Variants in KPNA5 observed in about 807,000 individuals in gnomAD.
The protein encoded by KPNA5 is karyopherin subunit alpha 5, also known as importin subunit alpha-6.
A neutral mutation model predicts 71.3 loss-of-function variants in KPNA5; 46 were observed. The observed-to-expected ratio is 0.65, with a 90% CI of 0.51 to 0.83. The LOEUF (loss-of-function observed/expected upper bound fraction) is 0.83, where lower values mean the gene tolerates loss of function less well. Ranked by LOEUF, KPNA5 falls within the 40% of genes least tolerant of loss-of-function variation. The pLI is 0.00. For synonymous variants in KPNA5, 207 were observed against 201.4 expected, an observed-to-expected ratio of 1.03 and a Z score of -0.24; for missense variants, 547 against 628.3, an observed-to-expected ratio of 0.87 and a Z score of 1.38.
chr6:116,682,284 G>A (rs749013521), intron 1 of KPNA5, among the ~76,000 whole-genome samples: 5 of 152,066 alleles, frequency 3.3e-5, no homozygotes, highest in Non-Finnish European at 7.4e-5. Context: ...AGCCGAGAGC[G>A]CCATTGCACT....
intron 7 of KPNA5, among the ~76,000 whole-genome samples, chr6:116,710,987 C>T (rs554831877): frequency 1.5e-4 from 22 of 148,582 alleles, no homozygotes; most frequent in Middle Eastern, 3.5e-3. Context: ...CTCTGCCTCC[C>T]GGGTTCAAGC....
At position 116,738,907 on chromosome 6, in the gene KPNA5, C is replaced by A. The variant is rs1370151851; in HGVS notation, c.*6584C>A. On this transcript the variant is annotated 3_prime_UTR_variant, in exon 14 of 14. Coordinates refer to ENST00000368564, the MANE Select transcript of KPNA5 (RefSeq NM_001366306.2). The stretch of plus-strand genomic sequence containing the variant: ...CACAGCCAATATCATACTGAATGGG[C>A]AAAAACTGGAAGCATTCCCTTTGAA... 13 of 151,758 alleles carry A rather than the reference C, an allele frequency of 8.6e-5. No individual in the cohort carries two copies. The highest frequency in any genetic ancestry group is 2.0e-4 in the Admixed American group (3 of 15,232). 9.4% of individuals were successfully genotyped at this position (151,758 alleles called of 1,614,324 possible).
At chr6:116,708,002 C>T (rs550995810) in intron 7 of KPNA5, among the ~76,000 whole-genome samples, 2 of 152,340 alleles carry the variant, frequency 1.3e-5, no homozygotes, top group African/African-American at 4.8e-5. Context: ...TAAGTGGAAT[C>T]ATACAATATA....
At chr6:116,726,943 A>T (rs534643084) in intron 12 of KPNA5, among the ~76,000 whole-genome samples, 1 of 152,104 alleles carries the variant, frequency 6.6e-6, no homozygotes, top group African/African-American at 2.4e-5. Context: ...TAGCTTTATT[A>T]TATAGAAATG....
At chr6:116,682,144 A>G (rs1270032099) in intron 1 of KPNA5, among the ~76,000 whole-genome samples, 1 of 151,916 alleles carries the variant, frequency 6.6e-6, no homozygotes, top group Non-Finnish European at 1.5e-5. Flanking sequence ...AATAATAAAT[A>G]CAAAAAAAAT....
At chr6:116,718,348 C>T (rs1420348551) in intron 8 of KPNA5, among the ~76,000 whole-genome samples, 3 of 150,154 alleles carry the variant, frequency 2.0e-5, no homozygotes, top group Non-Finnish European at 4.5e-5. Flanking sequence ...CTGCAACCTC[C>T]GCCTCCCGGG....
intron 4 of KPNA5, among the ~76,000 whole-genome samples, chr6:116,693,950 C>T (rs1275620135): frequency 6.6e-6 from 1 of 152,034 alleles, no homozygotes; most frequent in Non-Finnish European, 1.5e-5. Flanking sequence ...CAGCTTTCTA[C>T]ATATGGCTAG....
intron 1 of KPNA5, 182 bp downstream of exon 1, chr6:116,681,520 G>C: frequency 7.4e-7 from 1 of 1,358,286 alleles, no homozygotes; most frequent in South Asian, 1.9e-5. Flanking sequence ...GGGCGTGGCA[G>C]CCGGACCTTT....
intron 13 of KPNA5, among the ~76,000 whole-genome samples, chr6:116,731,327 A>G (rs972814914): frequency 1.3e-5 from 2 of 152,178 alleles, no homozygotes; most frequent in African/African-American, 4.8e-5. Context: ...TGAATACAAG[A>G]TATTAGTCAC....
intron 7 of KPNA5, among the ~76,000 whole-genome samples, chr6:116,710,900 T>C (rs1200479715): frequency 9.3e-6 from 1 of 107,800 alleles, no homozygotes; most frequent in Non-Finnish European, 1.8e-5. Flanking sequence ...TATATTTTTT[T>C]TTTTTTTTTT....
chr6:116,711,912 C>T (rs9489017), intron 7 of KPNA5, among the ~76,000 whole-genome samples: 2,587 of 152,310 alleles, frequency 0.017, 79 homozygotes, highest in African/African-American at 0.058. Flanking sequence ...TGAGCCACTG[C>T]GCTAGGCCTA....
At chr6:116,700,652 C>T (rs754625401) in intron 5 of KPNA5, among the ~76,000 whole-genome samples, 1 of 152,042 alleles carries the variant, frequency 6.6e-6, no homozygotes, top group Admixed American at 6.6e-5. Context: ...AAATTGGGGG[C>T]CTACAAACAA....
chr6:116,726,620 A>G lies in KPNA5; in HGVS notation c.1251A>G (p.Ile417Met). ...NATSGGTPEQ[I>M]RYLVALGCIK... is the part of the protein sequence containing the mutation. ...CATCAGGAGGTACTCCAGAGCAAAT[A>G]AGGTATGATATAAACTTCTTAATTG... Residue 417 changes from isoleucine to methionine, a missense_variant and splice_region_variant, in exon 12 of 14, where the codon ATA becomes ATG. Coordinates refer to ENST00000368564, the MANE Select transcript of KPNA5 (RefSeq NM_001366306.2). 5 of 1,593,230 alleles carry G rather than the reference A, an allele frequency of 3.1e-6. No individual in the cohort carries two copies. Among genetic ancestry groups the G allele is most frequent in the Non-Finnish European group, 4.3e-6 (5 of 1,173,330 alleles).
In KPNA5 at chr6:116,724,299, A is replaced by G; in HGVS notation, c.923A>G (p.His308Arg). 6.3e-7 allele frequency: 1 copy of G among 1,598,912 alleles called. No homozygotes were observed. The highest frequency in any genetic ancestry group is 8.6e-7 in the Non-Finnish European group (1 of 1,167,482). The change falls in exon 10 of 14, where the codon CAC becomes CGC. Residue 308 changes from histidine (H) to arginine (R), a missense_variant and splice_region_variant. By Grantham distance (29) the His-to-Arg change is conservative. Coordinates refer to ENST00000368564, the MANE Select transcript of KPNA5 (RefSeq NM_001366306.2). ...VCRRLVELLMHNDYKVVSPAL... is the reference protein window; with the variant it reads ...VCRRLVELLMRNDYKVVSPAL... Reference sequence around the variant, plus strand: ...GTTCATGTTTTTATTATTTTTAGGCACAATGATTATAAAGTTGTATCACCT... The same window carrying G: ...GTTCATGTTTTTATTATTTTTAGGCGCAATGATTATAAAGTTGTATCACCT...
chr6:116,697,905 A>G (rs958088928), intron 4 of KPNA5, among the ~76,000 whole-genome samples: 5 of 152,022 alleles, frequency 3.3e-5, no homozygotes, highest in Non-Finnish European at 7.4e-5. Flanking sequence ...TCTGAAATCT[A>G]GGAAAGGAGA....
intron 2 of KPNA5, 46 bp from the exon 3 acceptor site, chr6:116,692,009 G>A (rs746663573): frequency 2.8e-5 from 35 of 1,237,160 alleles, no homozygotes; most frequent in Admixed American, 7.3e-5. Flanking sequence ...GCAACTTAAT[G>A]TTTTATGGAA....
intron 4 of KPNA5, among the ~76,000 whole-genome samples, chr6:116,696,102 A>G (rs1028122892): frequency 1.3e-5 from 2 of 152,174 alleles, no homozygotes; most frequent in Admixed American, 6.5e-5. Context: ...TTCTTTGATC[A>G]GAAGACTTTG....
chr6:116,703,164 G>A (rs972045548), intron 6 of KPNA5, among the ~76,000 whole-genome samples: 1 of 151,914 alleles, frequency 6.6e-6, no homozygotes, highest in African/African-American at 2.4e-5. Flanking sequence ...CTTATTGGTG[G>A]TGTTAATAAT....
At chr6:116,689,942 T>A (rs111460962) in intron 2 of KPNA5, among the ~76,000 whole-genome samples, 4 of 152,340 alleles carry the variant, frequency 2.6e-5, no homozygotes, top group African/African-American at 9.6e-5. Context: ...AGAGAGTACA[T>A]CTCAACATTT....
Sources: allele counts gnomAD v4.1 joint callset (sites outside exome capture counted in the v4.1 genomes callset), GRCh38; gene constraint gnomAD v4.1.1; transcripts MANE v1.5; gene names NCBI Gene and HGNC (gene_info 2026-07-23, HGNC 2026-07-21).